Variants in ATP6V1H observed in about 807,000 individuals in gnomAD.
ATP6V1H encodes the protein V-type proton ATPase subunit H.
ATP6V1H carries 39 observed loss-of-function variants against 71.7 expected under a neutral mutation model. The ratio of observed to expected loss-of-function variants is 0.54; its 90% confidence interval spans 0.42 to 0.71. The LOEUF is 0.71. Ranked by LOEUF, ATP6V1H falls within the 30% of genes least tolerant of loss-of-function variation. The probability of loss-of-function intolerance (pLI) is 0.00; values close to 1 mark genes in which losing one functional copy is unlikely to be tolerated. For missense variants in ATP6V1H, 509 were observed against 594.9 expected (o/e 0.86, Z 1.50); for synonymous variants, 192 against 199.3 (o/e 0.96, Z 0.31).
intron 12 of ATP6V1H, among the ~76,000 whole-genome samples, chr8:53,750,615 T>G (rs1334506849): frequency 6.6e-6 from 1 of 152,186 alleles, no homozygotes; most frequent in Non-Finnish European, 1.5e-5. Context: ...ATCTCCAGAA[T>G]ATTTTTGTTA....
intron 9 of ATP6V1H, among the ~76,000 whole-genome samples, chr8:53,778,424 G>T (rs1362335819): frequency 6.6e-6 from 1 of 152,016 alleles, no homozygotes; most frequent in African/African-American, 2.4e-5. Flanking sequence ...ACAACATTAG[G>T]TCTTATTTCT....
intron 2 of ATP6V1H, among the ~76,000 whole-genome samples, chr8:53,837,944 G>C (rs946701353): frequency 1.3e-5 from 2 of 152,060 alleles, no homozygotes; most frequent in African/African-American, 4.8e-5. Context: ...AAGGGAAGCA[G>C]CAAGGATGGC....
At chr8:53,806,466 A>G (rs1398053773) in intron 7 of ATP6V1H, among the ~76,000 whole-genome samples, 4 of 152,134 alleles carry the variant, frequency 2.6e-5, no homozygotes, top group African/African-American at 7.2e-5. Flanking sequence ...TAGTTTTACT[A>G]TTGGTTTACA....
chr8:53,819,547 C>CACATAT (rs1810564738), intron 4 of ATP6V1H, among the ~76,000 whole-genome samples: 1 of 35,136 alleles, frequency 2.8e-5, no homozygotes, highest in East Asian at 1.9e-3. Context: ...AAAAAAAAAG[C>CACATAT]ATATATATAT....
chr8:53,828,166 G>C (rs1025756885), intron 4 of ATP6V1H, among the ~76,000 whole-genome samples: 19 of 152,118 alleles, frequency 1.2e-4, no homozygotes, highest in African/African-American at 4.3e-4. Flanking sequence ...TCTGTTTTTA[G>C]CTCTTTGAAG....
rs191591797 is a variant in ATP6V1H at position 53,743,980 on chromosome 8, T to C, written c.1278-290A>G. On this transcript the variant is annotated intron_variant, in intron 12 of 13. Transcript: ENST00000359530. ...ACCCAGGCACTAGTATTTTAGATCATTGTTTTCTAAGTGGCTGAGTATTAA... is the reference window on the plus strand; with the variant it reads ...ACCCAGGCACTAGTATTTTAGATCACTGTTTTCTAAGTGGCTGAGTATTAA... 2.0e-3 allele frequency among the ~76,000 whole-genome samples: 301 copies of C among 152,326 alleles called. 2 individuals carry two copies. Among genetic ancestry groups the C allele is most frequent in the African/African-American group, 6.8e-3 (284 of 41,572 alleles).
At chr8:53,793,637 C>T (rs991492423) in intron 9 of ATP6V1H, among the ~76,000 whole-genome samples, 1 of 151,736 alleles carries the variant, frequency 6.6e-6, no homozygotes, top group African/African-American at 2.4e-5. Flanking sequence ...AGAGTAAAAA[C>T]CCTGTCTCAA....
chr8:53,809,499 C>T (rs902572514), intron 7 of ATP6V1H, among the ~76,000 whole-genome samples: 1 of 152,162 alleles, frequency 6.6e-6, no homozygotes, highest in African/African-American at 2.4e-5. Flanking sequence ...CCATCTTTTC[C>T]TAACTCACAA....
intron 4 of ATP6V1H, among the ~76,000 whole-genome samples, chr8:53,819,738 ATAGT>A (rs1316103179): frequency 1.4e-4 from 20 of 142,824 alleles, no homozygotes; most frequent in Admixed American, 9.1e-4. Flanking sequence ...TATATAGTAT[ATAGT>A]GTGTGTATAT....
At chr8:53,744,498 C>G (rs1807530432) in intron 12 of ATP6V1H, among the ~76,000 whole-genome samples, 1 of 152,198 alleles carries the variant, frequency 6.6e-6, no homozygotes, top group Admixed American at 6.5e-5. Context: ...CATTCTTCAG[C>G]CACCAGTCCT....
chr8:53,831,354 T>C (rs1255110105), intron 3 of ATP6V1H, among the ~76,000 whole-genome samples: 1 of 152,198 alleles, frequency 6.6e-6, no homozygotes, highest in African/African-American at 2.4e-5. Flanking sequence ...AACACAATAG[T>C]AAGTATGTGT....
At chr8:53,834,480 C>T (rs1375003040) in intron 2 of ATP6V1H, among the ~76,000 whole-genome samples, 2 of 152,198 alleles carry the variant, frequency 1.3e-5, no homozygotes, top group Admixed American at 6.5e-5. Flanking sequence ...GGCTGGAGTG[C>T]AGTGGCACGA....
chr8:53,717,476 TA>T (rs1161609048), intron 13 of ATP6V1H, among the ~76,000 whole-genome samples: 1 of 152,250 alleles, frequency 6.6e-6, no homozygotes, highest in Non-Finnish European at 1.5e-5. Flanking sequence ...AAAGTTCTTA[TA>T]ACTGACTCAT....
chr8:53,828,792 C>CTAA (rs781149204), intron 4 of ATP6V1H, among the ~76,000 whole-genome samples: 1 of 152,062 alleles, frequency 6.6e-6, no homozygotes, highest in Non-Finnish European at 1.5e-5. Flanking sequence ...CCTAAACACC[C>CTAA]AGACTGACTC....
At chr8:53,770,715 T>C (rs1252725650) in intron 10 of ATP6V1H, among the ~76,000 whole-genome samples, 1 of 152,164 alleles carries the variant, frequency 6.6e-6, no homozygotes, top group African/African-American at 2.4e-5. Flanking sequence ...AATTACCAAA[T>C]TCAAGATAAT....
intron 11 of ATP6V1H, among the ~76,000 whole-genome samples, chr8:53,762,489 C>T (rs1326325630): frequency 6.6e-6 from 1 of 151,952 alleles, no homozygotes; most frequent in Non-Finnish European, 1.5e-5. Context: ...TTCTAAAATG[C>T]ATACAGAAAT....
chr8:53,839,684 GC>G, intron 2 of ATP6V1H: 1 of 985,326 alleles, frequency 1.0e-6, no homozygotes, highest in Non-Finnish European at 1.2e-6. Flanking sequence ...CTAACTCCCG[GC>G]TACAAGATTC....
intron 7 of ATP6V1H, among the ~76,000 whole-genome samples, chr8:53,803,479 T>C (rs1419881074): frequency 6.6e-6 from 1 of 152,194 alleles, no homozygotes; most frequent in Non-Finnish European, 1.5e-5. Context: ...GAACCTAACA[T>C]ACATGATGCT....
At chr8:53,721,787 C>A (rs1192400332) in intron 13 of ATP6V1H, among the ~76,000 whole-genome samples, 1 of 152,166 alleles carries the variant, frequency 6.6e-6, no homozygotes, top group Non-Finnish European at 1.5e-5. Flanking sequence ...CATCACAGTG[C>A]AAATCCTCAA....
Sources: allele counts gnomAD v4.1 joint callset (sites outside exome capture counted in the v4.1 genomes callset), GRCh38; gene constraint gnomAD v4.1.1; transcripts MANE v1.5; gene names NCBI Gene and HGNC (gene_info 2026-07-23, HGNC 2026-07-21).